Variants in EDIL3 observed in about 807,000 individuals in gnomAD.
EDIL3 encodes the protein EGF like and discoidin domains 3, also known as EGF-like repeat and discoidin I-like domain-containing protein 3.
EDIL3 carries 37 observed loss-of-function variants against 67.4 expected under a neutral mutation model. The observed-to-expected ratio is 0.55, with a 90% CI of 0.42 to 0.72. EDIL3 has a LOEUF of 0.72. Ranked by LOEUF, EDIL3 falls within the 30% of genes least tolerant of loss-of-function variation. The pLI is 0.00. For synonymous variants in EDIL3, 195 were observed against 196.3 expected (o/e 0.99, Z 0.05); for missense variants, 527 against 586.3 (o/e 0.90, Z 1.04).
chr5:84,359,625 A>T (rs1052387709), intron 1 of EDIL3, among the ~76,000 whole-genome samples: 2 of 152,182 alleles, frequency 1.3e-5, no homozygotes, highest in African/African-American at 4.8e-5. Flanking sequence ...TTGACTTGAA[A>T]CTAAGGGAAT....
chr5:84,080,506 G>A lies in EDIL3; in HGVS notation c.652-13900C>T, dbSNP rs148361315. Among the ~76,000 whole-genome samples the A allele has an allele frequency of 1.0e-3, 152 of 152,102 alleles. 1 individual carries two copies. In the East Asian group the frequency reaches 0.019, roughly 19 times the overall value. ...TTCTGTTCTTGCAGATTAATTGCACGCTCATCAAGGGTCATTTGTGTTTGT... is the reference window on the plus strand; with the variant it reads ...TTCTGTTCTTGCAGATTAATTGCACACTCATCAAGGGTCATTTGTGTTTGT... On this transcript the variant is annotated intron_variant, in intron 6 of 10. Coordinates refer to ENST00000296591, the MANE Select transcript of EDIL3 (RefSeq NM_005711.5).
intron 2 of EDIL3, among the ~76,000 whole-genome samples, chr5:84,245,804 T>A (rs1759824117): frequency 6.6e-6 from 1 of 152,022 alleles, no homozygotes; most frequent in Non-Finnish European, 1.5e-5. Flanking sequence ...GTGTATAGAA[T>A]TATATATTTT....
intron 3 of EDIL3, among the ~76,000 whole-genome samples, chr5:84,209,231 G>T (rs1009340122): frequency 1.7e-4 from 26 of 151,658 alleles, no homozygotes; most frequent in South Asian, 1.3e-3. Flanking sequence ...GTTGTGGGGT[G>T]GGGGGAGAGG....
At chr5:84,371,359 ATGTGTG>A (rs1561271584) in intron 1 of EDIL3, among the ~76,000 whole-genome samples, 1 of 129,778 alleles carries the variant, frequency 7.7e-6, no homozygotes, top group African/African-American at 2.7e-5. Flanking sequence ...GTGTATATAT[ATGTGTG>A]TATATATGTA....
At position 84,309,965 on chromosome 5, in the gene EDIL3, G is replaced by A. The variant is rs145101211; in HGVS notation, c.68-55753C>T. ...TAGTTTACAGTCCCACCAACAGTGT[G>A]AAAGTGTTCCTATTTCTCCACATCA... On this transcript the variant is annotated intron_variant, in intron 1 of 10. Transcript: ENST00000296591. Among the ~76,000 whole-genome samples, 1,421 of 152,214 alleles carry A rather than the reference G, an allele frequency of 9.3e-3. 25 individuals carry two copies. The highest frequency in any genetic ancestry group is 0.032 in the African/African-American group (1,347 of 41,536).
chr5:84,118,028 T>C (rs1326712903), intron 5 of EDIL3, among the ~76,000 whole-genome samples: 2 of 152,180 alleles, frequency 1.3e-5, no homozygotes, highest in Non-Finnish European at 2.9e-5. Context: ...TTAATAGTCT[T>C]ATGGATACAG....
In EDIL3 at chr5:84,124,220, A is replaced by G. The variant is rs554969211; in HGVS notation, c.469+13021T>C. 1.2e-4 allele frequency among the ~76,000 whole-genome samples: 18 copies of G among 152,074 alleles called. No homozygotes were observed. The East Asian group carries it at 3.3e-3, about 28-fold the overall frequency. The stretch of plus-strand genomic sequence containing the variant: ...ATTTTACCGACAAATTTTAGATCGG[A>G]AAAGGGATTTGGCCAACCAGACACA... On this transcript the variant is annotated intron_variant, in intron 5 of 10. Transcript: ENST00000296591.
At chr5:83,977,620 T>C (rs1463159226) in intron 9 of EDIL3, among the ~76,000 whole-genome samples, 3 of 151,864 alleles carry the variant, frequency 2.0e-5, no homozygotes, top group Admixed American at 6.6e-5. Flanking sequence ...CTTGAACATA[T>C]ATATGGGTTT....
At chr5:83,981,538 A>AT (rs1744970399) in intron 9 of EDIL3, among the ~76,000 whole-genome samples, 1 of 152,070 alleles carries the variant, frequency 6.6e-6, no homozygotes, top group Non-Finnish European at 1.5e-5. Flanking sequence ...AGGATAGAGT[A>AT]TTTTAAGGTG....
chr5:84,219,219 C>T (rs1744291533), intron 3 of EDIL3, among the ~76,000 whole-genome samples: 1 of 152,128 alleles, frequency 6.6e-6, no homozygotes, highest in Admixed American at 6.5e-5. Context: ...AATTCTTCTG[C>T]ATATTATCCA....
At chr5:84,376,236 T>C (rs1017282414) in intron 1 of EDIL3, among the ~76,000 whole-genome samples, 16 of 152,176 alleles carry the variant, frequency 1.1e-4, no homozygotes, top group African/African-American at 3.9e-4. Flanking sequence ...ATGCAGTCAA[T>C]ACATGTTAGA....
intron 1 of EDIL3, among the ~76,000 whole-genome samples, chr5:84,352,997 G>T (rs1747394537): frequency 6.6e-6 from 1 of 152,100 alleles, no homozygotes; most frequent in Non-Finnish European, 1.5e-5. Context: ...CAGACATTGA[G>T]TAGGGTACTT....
chr5:84,169,070 C>T (rs1748763764), intron 4 of EDIL3, among the ~76,000 whole-genome samples: 1 of 152,020 alleles, frequency 6.6e-6, no homozygotes, highest in South Asian at 2.1e-4. Flanking sequence ...CCCCTGACTT[C>T]ATTCACATCT....
intron 3 of EDIL3, among the ~76,000 whole-genome samples, chr5:84,181,592 T>C (rs940020075): frequency 5.3e-5 from 8 of 152,196 alleles, no homozygotes; most frequent in Non-Finnish European, 7.3e-5. Flanking sequence ...TATCTACTCT[T>C]GCTCTCTCTC....
intron 1 of EDIL3, among the ~76,000 whole-genome samples, chr5:84,362,660 T>A (rs547499680): frequency 6.6e-6 from 1 of 152,176 alleles, no homozygotes; most frequent in Non-Finnish European, 1.5e-5. Flanking sequence ...AAACAATTCA[T>A]CCTGGAAGAG....
chr5:84,205,848 C>T (rs1216466045), intron 3 of EDIL3, among the ~76,000 whole-genome samples: 1 of 150,378 alleles, frequency 6.6e-6, no homozygotes, highest in Admixed American at 6.6e-5. Flanking sequence ...TTTTGTTGAT[C>T]CTTTCAAAAA....
At position 84,367,778 on chromosome 5, in the gene EDIL3, T is replaced by C. The variant is rs186298754; in HGVS notation, c.67+16530A>G. The stretch of plus-strand genomic sequence containing the variant: ...AGCCGTAGATGATGGAGCGAGACTC[T>C]GTCTAAAAATTTCTACCCCATCCTT... On this transcript the variant is annotated intron_variant, in intron 1 of 10. Coordinates refer to ENST00000296591, the MANE Select transcript of EDIL3 (RefSeq NM_005711.5). 5.3e-4 allele frequency among the ~76,000 whole-genome samples: 81 copies of C among 152,284 alleles called. 1 individual carries two copies. Among genetic ancestry groups the C allele is most frequent in the Admixed American group, 2.4e-3 (37 of 15,288 alleles).
At chr5:84,164,771 T>G (rs1239141798) in intron 4 of EDIL3, among the ~76,000 whole-genome samples, 1 of 152,100 alleles carries the variant, frequency 6.6e-6, no homozygotes, top group East Asian at 1.9e-4. Flanking sequence ...AAATTATCTT[T>G]AAGCTGCCTG....
intron 2 of EDIL3, among the ~76,000 whole-genome samples, chr5:84,233,127 A>G (rs1485012933): frequency 1.3e-5 from 2 of 152,196 alleles, no homozygotes; most frequent in Non-Finnish European, 2.9e-5. Flanking sequence ...GTATTGCTCC[A>G]CTTGGTCAGC....
Sources: allele counts gnomAD v4.1 joint callset (sites outside exome capture counted in the v4.1 genomes callset), GRCh38; gene constraint gnomAD v4.1.1; transcripts MANE v1.5; gene names NCBI Gene and HGNC (gene_info 2026-07-23, HGNC 2026-07-21).